PCDH15: variants seen among roughly 807,000 people sequenced by gnomAD.
PCDH15 encodes the protein protocadherin-15.
PCDH15 carries 129 observed loss-of-function variants against 178.5 expected under a neutral mutation model. The observed-to-expected ratio is 0.72, with a 90% confidence interval of 0.63 to 0.84. The LOEUF is 0.84. PCDH15 is among the 40% of genes least tolerant of loss of function. PCDH15 has a pLI of 0.00. For missense variants in PCDH15, 2,230 were observed against 2,099.9 expected (o/e 1.06, Z -1.21); for synonymous variants, 800 against 732.0 (o/e 1.09, Z -1.50).
At chr10:53,885,823 C>T (rs545499377) in intron 26 of PCDH15, among the ~76,000 whole-genome samples, 2 of 152,152 alleles carry the variant, frequency 1.3e-5, no homozygotes, top group South Asian at 4.1e-4. Flanking sequence ...TAAGGTGTAT[C>T]TCAAAGAGAA....
chr10:54,172,041 T>C (rs2046966553), intron 13 of PCDH15, among the ~76,000 whole-genome samples: 1 of 152,028 alleles, frequency 6.6e-6, no homozygotes, highest in Non-Finnish European at 1.5e-5. Context: ...TTCTTATTAA[T>C]ATAAGAAGCC....
intron 1 of PCDH15, among the ~76,000 whole-genome samples, chr10:54,722,020 T>C (rs1044492854): frequency 2.0e-5 from 3 of 151,834 alleles, no homozygotes; most frequent in African/African-American, 7.2e-5. Flanking sequence ...CAATACACCA[T>C]GATCCAGTGG....
chr10:55,121,210 T>G (rs1418798356), intron 2 of PCDH15, among the ~76,000 whole-genome samples: 1 of 152,164 alleles, frequency 6.6e-6, no homozygotes, highest in African/African-American at 2.4e-5. Context: ...TTTTCAAACC[T>G]TAAGATTTAA....
chr10:54,944,266 C>A (rs750746655), intron 2 of PCDH15, among the ~76,000 whole-genome samples: 2 of 151,984 alleles, frequency 1.3e-5, no homozygotes, highest in Non-Finnish European at 2.9e-5. Flanking sequence ...TATTTCCCCA[C>A]AGCCTGCATC....
At chr10:54,295,904 G>T (rs1349520874) in intron 8 of PCDH15, among the ~76,000 whole-genome samples, 3 of 151,166 alleles carry the variant, frequency 2.0e-5, no homozygotes, top group Admixed American at 2.0e-4. Flanking sequence ...CAGCACTTTG[G>T]GAGGCCGAGG....
chr10:55,253,944 A>G (rs1489014302), intron 1 of PCDH15, among the ~76,000 whole-genome samples: 1 of 152,222 alleles, frequency 6.6e-6, no homozygotes, highest in Non-Finnish European at 1.5e-5. Flanking sequence ...ATTTAGACAG[A>G]TAATTACACA....
chr10:55,516,863 G>T (rs1228244924), intron 2 of PCDH15, among the ~76,000 whole-genome samples: 15 of 152,044 alleles, frequency 9.9e-5, no homozygotes, highest in Admixed American at 9.8e-4. Context: ...CATGGGCTGT[G>T]TATTTCAAAA....
chr10:55,154,200 T>C (rs1219381995), intron 2 of PCDH15, among the ~76,000 whole-genome samples: 1 of 152,178 alleles, frequency 6.6e-6, no homozygotes, highest in African/African-American at 2.4e-5. Context: ...TACTTAAGTA[T>C]GTAAAAAGAA....
intron 25 of PCDH15, among the ~76,000 whole-genome samples, chr10:53,917,075 C>T (rs1240244995): frequency 6.6e-6 from 1 of 151,896 alleles, no homozygotes; most frequent in Non-Finnish European, 1.5e-5. Context: ...ATTTTTAGTG[C>T]AAGTAAAATA....
intron 2 of PCDH15, among the ~76,000 whole-genome samples, chr10:54,541,027 A>G (rs537694352): frequency 6.6e-6 from 1 of 152,284 alleles, no homozygotes; most frequent in Non-Finnish European, 1.5e-5. Flanking sequence ...TAGGAGCCAT[A>G]TATGACACAA....
intron 2 of PCDH15, among the ~76,000 whole-genome samples, chr10:55,356,126 C>T (rs1221205615): frequency 6.6e-6 from 1 of 151,780 alleles, no homozygotes; most frequent in African/African-American, 2.4e-5. Flanking sequence ...AATTTGAAGT[C>T]ATTATTAACT....
chr10:55,596,449 T>C (rs1302990192), intron 2 of PCDH15, among the ~76,000 whole-genome samples: 2 of 152,134 alleles, frequency 1.3e-5, no homozygotes, highest in African/African-American at 2.4e-5. Context: ...CTCTGCACCA[T>C]TGTGTCTTTG....
chr10:54,596,075 C>T (rs1430911855), intron 2 of PCDH15, among the ~76,000 whole-genome samples: 1 of 151,988 alleles, frequency 6.6e-6, no homozygotes, highest in Admixed American at 6.6e-5. Context: ...CTTCCCCAAC[C>T]TAACCACCAA....
chr10:54,330,536 A>G (rs1024903412), intron 6 of PCDH15, among the ~76,000 whole-genome samples: 1 of 151,786 alleles, frequency 6.6e-6, no homozygotes, highest in Admixed American at 6.6e-5. Flanking sequence ...GACTGCGTGA[A>G]CTTGAATCAG....
At chr10:54,931,146 CA>C (rs1355429984) in intron 2 of PCDH15, among the ~76,000 whole-genome samples, 1 of 152,116 alleles carries the variant, frequency 6.6e-6, no homozygotes, top group East Asian at 1.9e-4. Context: ...CATTTCTGAG[CA>C]TTTGAAAACT....
chr10:54,248,358 C>T (rs2056190645), intron 8 of PCDH15, among the ~76,000 whole-genome samples: 2 of 151,810 alleles, frequency 1.3e-5, no homozygotes, highest in South Asian at 4.1e-4. Flanking sequence ...AAATAGTTAT[C>T]TTATTTTGAT....
intron 2 of PCDH15, among the ~76,000 whole-genome samples, chr10:55,160,090 A>G (rs1839022067): frequency 6.6e-6 from 1 of 152,074 alleles, no homozygotes; most frequent in Non-Finnish European, 1.5e-5. Flanking sequence ...CTGTTTCGCT[A>G]CCAGTGAGAA....
intron 1 of PCDH15, among the ~76,000 whole-genome samples, chr10:55,268,321 A>T (rs1452881869): frequency 6.6e-6 from 1 of 152,152 alleles, no homozygotes; most frequent in Non-Finnish European, 1.5e-5. Flanking sequence ...CACTCCCACC[A>T]ACCCCACATA....
chr10:54,358,509 C>T (rs2134416403), intron 5 of PCDH15, among the ~76,000 whole-genome samples: 1 of 152,200 alleles, frequency 6.6e-6, no homozygotes, highest in African/African-American at 2.4e-5. Context: ...AGTCAGGGAA[C>T]AACAAATGCT....
Sources: gnomAD v4.1 joint callset for allele counts (sites outside exome capture counted in the v4.1 genomes callset) on GRCh38, gnomAD v4.1.1 for gene constraint, MANE v1.5 for transcripts, NCBI Gene and HGNC (gene_info 2026-07-23, HGNC 2026-07-21) for gene names.